The following CEP350 variants were observed in gnomAD, a reference collection of about 807,000 sequenced individuals.
CEP350 encodes the protein centrosome-associated protein 350.
Under a neutral mutation model 331.8 loss-of-function variants are expected in CEP350, and 126 were observed. That is an observed-to-expected ratio of 0.38 (90% CI 0.33 to 0.44). The LOEUF is 0.44. CEP350 is among the 20% of genes least tolerant of loss of function. CEP350 has a pLI of 1.00. For synonymous variants in CEP350, 1,200 were observed against 1,259.5 expected, an observed-to-expected ratio of 0.95 and a Z score of 1.00; for missense variants, 3,406 against 3,634.6, an observed-to-expected ratio of 0.94 and a Z score of 1.62.
At chr1:179,994,672 T>C (rs1406900818) in intron 5 of CEP350, among the ~76,000 whole-genome samples, 1 of 152,072 alleles carries the variant, frequency 6.6e-6, no homozygotes, top group East Asian at 1.9e-4. Context: ...CAGGCTGGTC[T>C]CATACTCCTG....
chr1:180,059,648 G>A lies in CEP350; in HGVS notation c.5263-2572G>A, dbSNP rs187275507. ...GCCTTTTTTTTTTTTTCATGGAATAGTATTTTTACTTGAAAGAATGATTCA... is the reference window on the plus strand; with the variant it reads ...GCCTTTTTTTTTTTTTCATGGAATAATATTTTTACTTGAAAGAATGATTCA... On this transcript the variant is annotated intron_variant, in intron 25 of 37. Coordinates refer to ENST00000367607, the MANE Select transcript of CEP350 (RefSeq NM_014810.5). 4.7e-5 allele frequency among the ~76,000 whole-genome samples: 7 copies of A among 150,126 alleles called. No individual in the cohort carries two copies. In the East Asian group the frequency reaches 9.8e-4, roughly 21 times the overall value.
intron 27 of CEP350, among the ~76,000 whole-genome samples, chr1:180,066,277 A>AC (rs1327674397): frequency 3.3e-5 from 5 of 152,038 alleles, no homozygotes; most frequent in Admixed American, 1.3e-4. Context: ...TGTAACCTCC[A>AC]CCCCATATCT....
intron 32 of CEP350, among the ~76,000 whole-genome samples, chr1:180,089,375 G>A (rs1660038923): frequency 6.6e-6 from 1 of 152,102 alleles, no homozygotes; most frequent in Non-Finnish European, 1.5e-5. Flanking sequence ...CACAAGTCAG[G>A]AGTTCGAGAC....
chr1:180,094,583 A>C lies in CEP350; in HGVS notation c.8478A>C (p.Glu2826Asp). Reference sequence around the variant, plus strand: ...GTTCTGAATTGGAAGATGAAAAAGAAGAGATTTCCTCTCCAGATATGTGTC... The same window carrying C: ...GTTCTGAATTGGAAGATGAAAAAGACGAGATTTCCTCTCCAGATATGTGTC... ...FLSSELEDEK[E>D]EISSPDMCPR... Residue 2826 changes from glutamate to aspartate, a missense_variant, in exon 34 of 38, where the codon GAA becomes GAC. Physicochemically the swap from Glu to Asp is conservative, Grantham distance 45. Coordinates refer to ENST00000367607, the MANE Select transcript of CEP350 (RefSeq NM_014810.5). The C allele has an allele frequency of 6.2e-7, 1 of 1,613,780 alleles. No individual in the cohort carries two copies. The highest frequency in any genetic ancestry group is 8.5e-7 in the Non-Finnish European group (1 of 1,179,810).
intron 5 of CEP350, among the ~76,000 whole-genome samples, chr1:179,995,282 C>A (rs1208990010): frequency 6.6e-6 from 1 of 152,076 alleles, no homozygotes; most frequent in African/African-American, 2.4e-5. Context: ...CTTCATTAGC[C>A]TCCCTTTTCA....
chr1:180,021,829 T>C (rs1321977836), intron 12 of CEP350, among the ~76,000 whole-genome samples: 6 of 152,206 alleles, frequency 3.9e-5, no homozygotes, highest in African/African-American at 1.4e-4. Flanking sequence ...CTTTAAACAA[T>C]AATGTAGCTA....
At chr1:180,025,107 G>A (rs1655582147) in intron 14 of CEP350, among the ~76,000 whole-genome samples, 1 of 151,964 alleles carries the variant, frequency 6.6e-6, no homozygotes, top group East Asian at 1.9e-4. Flanking sequence ...TGTATTTTTA[G>A]TAGAGACGGG....
At chr1:180,081,160 A>C (rs1396740067) in intron 30 of CEP350, among the ~76,000 whole-genome samples, 2 of 151,920 alleles carry the variant, frequency 1.3e-5, no homozygotes, top group Middle Eastern at 3.2e-3. Context: ...GAGCCACTGC[A>C]CCCGGCCCAC....
rs1652703551 is a variant in CEP350, at chr1:179,987,244, T to G, written c.78T>G (p.Asp26Glu). 1 of 1,532,248 alleles carries G rather than the reference T, an allele frequency of 6.5e-7. No individual in the cohort carries two copies. Among genetic ancestry groups the G allele is most frequent in the Admixed American group, 1.8e-5 (1 of 56,320 alleles). 94.9% of individuals were successfully genotyped at this position (1,532,248 alleles called of 1,614,324 possible). A position where few individuals can be genotyped will look rare whatever the true frequency, so the allele number is the denominator to read the frequency against. ...AAATATCATTTTTTTTCCCAGCAGA[T>G]ATAACCACATCGTGGGATGCACTTT... ...NSQSKDTVQA[D>E]ITTSWDALSQ... The change falls in exon 3 of 38, where the codon GAT becomes GAG. Residue 26 changes from aspartate to glutamate, a missense_variant. Around this residue, in one of 5 missense-constraint regions of CEP350, gnomAD observed 1,857 missense variants for 1,909.2 expected, o/e 0.97. Coordinates refer to ENST00000367607, the MANE Select transcript of CEP350 (RefSeq NM_014810.5).
intron 8 of CEP350, among the ~76,000 whole-genome samples, chr1:180,010,903 C>T (rs183855867): frequency 2.0e-5 from 3 of 152,264 alleles, no homozygotes. Flanking sequence ...AGCCACCATG[C>T]CCGACCTCTG....
rs1653151318 is a variant in CEP350 at position 179,992,234 on chromosome 1, A to G, written c.395+13A>G. ...TGGTTTCTTATAGGTTAGTATTGAG[A>G]AAAAAAAAAGGTATCAAATAGGTTT... On this transcript the variant is annotated intron_variant, in intron 5 of 37. Coordinates refer to ENST00000367607, the MANE Select transcript of CEP350 (RefSeq NM_014810.5). 22 of 1,272,138 alleles carry G rather than the reference A, an allele frequency of 1.7e-5. No individual in the cohort carries two copies. The highest frequency in any genetic ancestry group is 8.1e-5 in the South Asian group (4 of 49,230). 78.8% of individuals were successfully genotyped at this position (1,272,138 alleles called of 1,614,324 possible). A position where few individuals can be genotyped will look rare whatever the true frequency, so the allele number is the denominator to read the frequency against.
At chr1:180,057,155 A>G (rs1230953540) in intron 25 of CEP350, among the ~76,000 whole-genome samples, 2 of 149,944 alleles carry the variant, frequency 1.3e-5, no homozygotes, top group African/African-American at 4.9e-5. Context: ...CCAGAGTGCA[A>G]TGGCGCGATC....
intron 16 of CEP350, 123 bp from the exon 17 acceptor site, chr1:180,036,803 T>C: frequency 9.6e-7 from 1 of 1,043,594 alleles, no homozygotes. Flanking sequence ...TATTCTGTAC[T>C]GAGTCCCAGT....
At chr1:180,037,573 G>GT (rs1656449358) in intron 17 of CEP350, among the ~76,000 whole-genome samples, 2 of 151,554 alleles carry the variant, frequency 1.3e-5, no homozygotes, top group African/African-American at 4.8e-5. Flanking sequence ...AACAACAACA[G>GT]CAACAAAAAA....
chr1:180,073,888 T>C, intron 27 of CEP350: 2 of 1,304,612 alleles, frequency 1.5e-6, no homozygotes, highest in South Asian at 2.5e-5. Flanking sequence ...TCCAGCTGTA[T>C]ATCTACAACC....
At chr1:180,015,795 C>T in intron 10 of CEP350, 54 bp from the exon 11 acceptor site, 1 of 1,568,280 alleles carries the variant, frequency 6.4e-7, no homozygotes, top group Non-Finnish European at 8.7e-7. Flanking sequence ...TAGGTGCTAC[C>T]TGAATATATC....
intron 20 of CEP350, 118 bp from the exon 21 acceptor site, chr1:180,043,933 G>A: frequency 3.4e-6 from 3 of 892,336 alleles, no homozygotes; most frequent in Non-Finnish European, 4.7e-6. Context: ...TGTGTTGTAA[G>A]TTATTTTATA....
In CEP350 at chr1:180,087,713, C is replaced by A; in HGVS notation, c.6421C>A (p.His2141Asn). 6.6e-7 allele frequency: 1 copy of A among 1,521,940 alleles called. No homozygotes were observed. 94.3% of individuals were successfully genotyped at this position (1,521,940 alleles called of 1,614,324 possible). ...KPKIKPLTPLHRSETAKNWKS... is the reference protein window; with the variant it reads ...KPKIKPLTPLNRSETAKNWKS... ...CAAGATCAAACCCCTCACACCACTA[C>A]ACAGGTAGAAATTTTTGATAACTTG... Residue 2141 changes from histidine (H) to asparagine (N), a missense_variant, in exon 32 of 38, where the codon CAC becomes AAC. Physicochemically the swap from His to Asn is moderately conservative, Grantham distance 68. Coordinates refer to ENST00000367607, the MANE Select transcript of CEP350 (RefSeq NM_014810.5).
chr1:179,961,550 C>T (rs542821444), intron 1 of CEP350, among the ~76,000 whole-genome samples: 7 of 152,176 alleles, frequency 4.6e-5, no homozygotes, highest in Non-Finnish European at 7.4e-5. Flanking sequence ...CTCCAATCCA[C>T]GATATTGTTT....
Sources: allele counts gnomAD v4.1 joint callset (sites outside exome capture counted in the v4.1 genomes callset), GRCh38; gene constraint gnomAD v4.1.1; regional missense constraint gnomAD v4.1.1; transcripts MANE v1.5; gene names NCBI Gene and HGNC (gene_info 2026-07-23, HGNC 2026-07-21).